FRMD5: variants seen among roughly 807,000 people sequenced by gnomAD.
FRMD5 encodes FERM domain-containing protein 5.
Under a neutral mutation model 69.0 loss-of-function variants are expected in FRMD5, and 20 were observed. The observed-to-expected ratio is 0.29, with a 90% confidence interval of 0.20 to 0.42. The LOEUF (loss-of-function observed/expected upper bound fraction) is 0.42. Among genes scored for constraint, FRMD5 ranks in the 10% least tolerant of loss-of-function variants. The pLI is 1.00. For synonymous variants in FRMD5, 271 were observed against 260.1 expected (o/e 1.04, Z -0.40); for missense variants, 595 against 708.6 (o/e 0.84, Z 1.82).
intron 1 of FRMD5, among the ~76,000 whole-genome samples, chr15:44,126,505 A>G (rs2077026160): frequency 6.6e-6 from 1 of 152,216 alleles, no homozygotes; most frequent in Non-Finnish European, 1.5e-5. Flanking sequence ...GTGAGCATCT[A>G]AAAAACACTG....
At position 43,873,036 on chromosome 15, in the gene FRMD5, G is replaced by A. The variant is rs904176220; in HGVS notation, c.*849C>T. 1.4e-6 allele frequency: 1 copy of A among 703,308 alleles called. No homozygotes were observed. Among genetic ancestry groups the A allele is most frequent in the Admixed American group, 2.9e-5 (1 of 34,342 alleles). The allele number at this position is 703,308 out of a possible 1,614,324, so 43.6% of individuals were successfully genotyped here. A position where few individuals can be genotyped will look rare whatever the true frequency, so the allele number is the denominator to read the frequency against. ...AGAACTATCTATCTCTGGTACCACT[G>A]AATTCGTTTAACGCCCCTGGAGCAC... On this transcript the variant is annotated 3_prime_UTR_variant, in exon 14 of 14. Transcript: ENST00000417257.
chr15:44,035,555 G>A (rs774284582), intron 1 of FRMD5, among the ~76,000 whole-genome samples: 4 of 152,016 alleles, frequency 2.6e-5, no homozygotes, highest in East Asian at 1.9e-4. Context: ...ATCAAAATCC[G>A]TTTTACCTCC....
chr15:43,872,821 C>T lies in FRMD5; in HGVS notation c.*1064G>A, dbSNP rs200150966. 4.9e-6 allele frequency: 1 copy of T among 202,140 alleles called. No homozygotes were observed. 12.5% of individuals were successfully genotyped at this position (202,140 alleles called of 1,614,324 possible). A position where few individuals can be genotyped will look rare whatever the true frequency, so the allele number is the denominator to read the frequency against. Reference sequence around the variant, plus strand: ...CGTTTAGTTCATCAGGCTCTATTTTCTTAATCCATAAAGTAAAAACAAAAT... The same window carrying T: ...CGTTTAGTTCATCAGGCTCTATTTTTTTAATCCATAAAGTAAAAACAAAAT... On this transcript the variant is annotated 3_prime_UTR_variant, in exon 14 of 14. Transcript: ENST00000417257.
intron 7 of FRMD5, among the ~76,000 whole-genome samples, chr15:43,897,848 C>T (rs1391191591): frequency 6.6e-6 from 1 of 152,040 alleles, no homozygotes; most frequent in Non-Finnish European, 1.5e-5. Flanking sequence ...GCAGTTTCCC[C>T]ATGCTGTTCT....
At chr15:44,043,763 C>T (rs1388710019) in intron 1 of FRMD5, among the ~76,000 whole-genome samples, 1 of 152,118 alleles carries the variant, frequency 6.6e-6, no homozygotes, top group Non-Finnish European at 1.5e-5. Context: ...ACACCTTATA[C>T]AAAAATTAAT....
chr15:43,946,719 G>T (rs2089953618), intron 1 of FRMD5, among the ~76,000 whole-genome samples: 1 of 152,128 alleles, frequency 6.6e-6, no homozygotes, highest in Non-Finnish European at 1.5e-5. Context: ...TGGGGCAGTG[G>T]GTTCCCAGGA....
intron 1 of FRMD5, among the ~76,000 whole-genome samples, chr15:43,933,673 G>A (rs892248260): frequency 7.2e-5 from 11 of 152,220 alleles, no homozygotes; most frequent in African/African-American, 2.2e-4. Context: ...CAACTTCAGA[G>A]CATTAGACTG....
intron 1 of FRMD5, among the ~76,000 whole-genome samples, chr15:44,107,059 C>G (rs1210921515): frequency 5.3e-5 from 8 of 152,162 alleles, no homozygotes; most frequent in Admixed American, 5.2e-4. Context: ...ACTCCAAGGA[C>G]TCTCTGAAAG....
chr15:43,926,714 C>T (rs536397095), intron 1 of FRMD5, among the ~76,000 whole-genome samples: 2 of 151,782 alleles, frequency 1.3e-5, no homozygotes, highest in African/African-American at 4.8e-5. Flanking sequence ...CCCTCCTCTT[C>T]TGAGACAGGA....
intron 1 of FRMD5, among the ~76,000 whole-genome samples, chr15:44,193,705 A>G (rs1047219432): frequency 1.3e-5 from 2 of 152,222 alleles, no homozygotes; most frequent in Admixed American, 6.5e-5. Context: ...GAGAAAAGGG[A>G]AAGTGAGGAG....
chr15:43,874,287 C>A lies in FRMD5; in HGVS notation c.1311G>T (p.Glu437Asp). The change falls in exon 14 of 14, where the codon GAG (glutamate) becomes GAT (aspartate). Residue 437 changes from glutamate (E) to aspartate (D), a missense_variant. This residue lies in a region of FRMD5 where 245 missense variants were observed against 227.1 expected (regional missense o/e 1.08). Transcript: ENST00000417257. ...AAAGCAACATCAGCTCCAGGCTGTG[C>A]TCAGCCACAGGGGTGGGCAGCACGC... is the stretch of plus-strand genomic sequence containing the variant. ...ADSVLPTPVA[E>D]HSLELMLLSR... 6.2e-7 allele frequency: 1 copy of A among 1,614,232 alleles called. No individual in the cohort carries two copies. The highest frequency in any genetic ancestry group is 2.2e-5 in the East Asian group (1 of 44,886).
chr15:44,186,834 G>A (rs917811802), intron 1 of FRMD5, among the ~76,000 whole-genome samples: 7 of 152,200 alleles, frequency 4.6e-5, no homozygotes, highest in African/African-American at 1.7e-4. Context: ...TTTCTTGGAG[G>A]TTCCCATCCC....
intron 1 of FRMD5, among the ~76,000 whole-genome samples, chr15:44,039,649 A>G (rs977763392): frequency 5.9e-5 from 9 of 152,282 alleles, no homozygotes; most frequent in African/African-American, 2.2e-4. Context: ...AAGGATGGCC[A>G]CTCAGAGACC....
At chr15:44,074,814 A>G (rs996467783) in intron 1 of FRMD5, among the ~76,000 whole-genome samples, 1 of 152,140 alleles carries the variant, frequency 6.6e-6, no homozygotes, top group Non-Finnish European at 1.5e-5. Context: ...GAAACTTTTA[A>G]ACTTCCTCAC....
At chr15:43,979,756 A>C (rs2090519921) in intron 1 of FRMD5, among the ~76,000 whole-genome samples, 1 of 152,218 alleles carries the variant, frequency 6.6e-6, no homozygotes, top group Non-Finnish European at 1.5e-5. Flanking sequence ...GAATTTCCAG[A>C]ATGATTGTGC....
chr15:44,175,340 A>G lies in FRMD5; in HGVS notation c.102+19613T>C, dbSNP rs564656737. Among the ~76,000 whole-genome samples the G allele has an allele frequency of 2.6e-4, 39 of 152,268 alleles. 1 individual carries two copies. The South Asian group carries it at 7.7e-3, about 30-fold the overall frequency. On this transcript the variant is annotated intron_variant, in intron 1 of 13. Coordinates refer to ENST00000417257, the MANE Select transcript of FRMD5 (RefSeq NM_032892.5). ...TCTTTCAAGTCTCTTCCAGCTCTAA[A>G]AGTCTAGGATTTCATTATTTTATAC...
chr15:43,925,651 G>A (rs1320982447), intron 1 of FRMD5, among the ~76,000 whole-genome samples: 5 of 152,082 alleles, frequency 3.3e-5, no homozygotes, highest in South Asian at 2.1e-4. Flanking sequence ...TGATCATGGC[G>A]TCCCAGGCCC....
At chr15:44,150,628 T>TC (rs2077429195) in intron 1 of FRMD5, among the ~76,000 whole-genome samples, 1 of 150,534 alleles carries the variant, frequency 6.6e-6, no homozygotes, top group African/African-American at 2.4e-5. Flanking sequence ...CAAAATTCTT[T>TC]TTTTTTTTTT....
intron 1 of FRMD5, among the ~76,000 whole-genome samples, chr15:44,090,428 A>G (rs552223131): frequency 6.6e-6 from 1 of 151,782 alleles, no homozygotes; most frequent in South Asian, 2.1e-4. Context: ...AAATTACCAA[A>G]GAGATGAATA....
Sources: gnomAD v4.1 joint callset for allele counts (sites outside exome capture counted in the v4.1 genomes callset) on GRCh38, gnomAD v4.1.1 for gene constraint, gnomAD v4.1.1 regional missense constraint, MANE v1.5 for transcripts, NCBI Gene and HGNC (gene_info 2026-07-23, HGNC 2026-07-21) for gene names.